The following SPART variants were observed in gnomAD, a reference collection of about 807,000 sequenced individuals.
The protein encoded by SPART is spastic paraplegia 20 (Troyer syndrome).
In SPART, 35 loss-of-function variants were observed where a neutral mutation model predicts 58.7. The observed-to-expected ratio is 0.60, with a 90% confidence interval of 0.46 to 0.79. SPART has a LOEUF of 0.79. Ranked by LOEUF, SPART falls within the 30% of genes least tolerant of loss-of-function variation. The pLI, the probability that SPART is intolerant of heterozygous loss-of-function variation, is 0.00. For synonymous variants in SPART, 284 were observed against 280.7 expected (o/e 1.01, Z -0.12); for missense variants, 730 against 786.1 (o/e 0.93, Z 0.85).
At position 36,352,156 on chromosome 13, in the gene SPART, C is replaced by T. The variant is rs569422108; in HGVS notation, c.-2-16324G>A. Among the ~76,000 whole-genome samples, 3 of 152,234 alleles carry T rather than the reference C, an allele frequency of 2.0e-5. No homozygotes were observed. In the South Asian group the frequency reaches 6.2e-4, roughly 32 times the overall value. On this transcript the variant is annotated intron_variant, in intron 1 of 8. Transcript: ENST00000355182. ...AGGTTTCTGACCTGTGATCTCATTA[C>T]TTTTTTCTTTCTTGAACTCTACATT... is the stretch of plus-strand genomic sequence containing the variant.
chr13:36,303,039 T>A lies in SPART; in HGVS notation c.*1326A>T, dbSNP rs957073488. ...GTCTGTAAGCTATTTACCACTTCAC[T>A]TTTATTTCCATTTTAACAACTAGTA... On this transcript the variant is annotated 3_prime_UTR_variant, in exon 9 of 9. Coordinates refer to ENST00000438666, the MANE Select transcript of SPART (RefSeq NM_015087.5). 6.6e-6 allele frequency: 1 copy of A among 152,210 alleles called. No homozygotes were observed. Among genetic ancestry groups the A allele is most frequent in the African/African-American group, 2.4e-5 (1 of 41,448 alleles). 9.4% of individuals were successfully genotyped at this position (152,210 alleles called of 1,614,324 possible).
In SPART at chr13:36,329,363, C is replaced by G. The variant is rs1434017775; in HGVS notation, c.1163G>C (p.Arg388Thr). 6 of 1,614,050 alleles carry G rather than the reference C, an allele frequency of 3.7e-6. No homozygotes were observed. The East Asian group carries it at 1.1e-4, about 30-fold the overall frequency. Reference sequence around the variant, plus strand: ...CACACTTATTACTCTTTTATTTACCCTTTTTCCACGTTTTCCTTTATGACG... The same window carrying G: ...CACACTTATTACTCTTTTATTTACCGTTTTTCCACGTTTTCCTTTATGACG... The part of the protein sequence containing the change: ...DVRHKGKRGK[R>T]AKDTSSEEVN... Residue 388 changes from arginine (R) to threonine (T), a missense_variant and splice_region_variant, in exon 4 of 9, where the codon AGG becomes ACG. By Grantham distance (71) the Arg-to-Thr change is moderately conservative. Coordinates refer to ENST00000438666, the MANE Select transcript of SPART (RefSeq NM_015087.5).
chr13:36,317,980 A>T (rs1881917869), intron 5 of SPART, among the ~76,000 whole-genome samples: 1 of 152,080 alleles, frequency 6.6e-6, no homozygotes, highest in African/African-American at 2.4e-5. Context: ...GTCCCTTCCT[A>T]GTCTGTGCCC....
intron 1 of SPART, chr13:36,368,307 C>A (rs1370557159): frequency 8.8e-6 from 3 of 339,026 alleles, no homozygotes; most frequent in South Asian, 7.2e-5. Flanking sequence ...ACAAACAAAT[C>A]TGGAAGGCTT....
At chr13:36,349,187 C>T (rs187452455), upstream of SPART, among the ~76,000 whole-genome samples, 189 of 152,240 alleles carry the variant, frequency 1.2e-3, 2 homozygotes, top group South Asian at 0.016. Context: ...CACTTGAACC[C>T]GGGAGGTGGA....
chr13:36,337,819 T>C (rs1446588485), intron 1 of SPART, among the ~76,000 whole-genome samples: 3 of 152,166 alleles, frequency 2.0e-5, no homozygotes, highest in African/African-American at 7.2e-5. Context: ...GCTGGCAATT[T>C]TGATACACTG....
chr13:36,311,468 G>A (rs1881095644), intron 8 of SPART, among the ~76,000 whole-genome samples: 2 of 152,072 alleles, frequency 1.3e-5, no homozygotes, highest in Non-Finnish European at 2.9e-5. Context: ...TCTGTATACC[G>A]AGTGGGCTAA....
chr13:36,360,548 T>A (rs1885813832), intron 1 of SPART: 2 of 152,444 alleles, frequency 1.3e-5, no homozygotes, highest in African/African-American at 4.8e-5. Context: ...GAACTAGCAT[T>A]TGTACCGTCT....
At chr13:36,343,855 G>A (rs1455259866) in intron 1 of SPART, among the ~76,000 whole-genome samples, 1 of 152,100 alleles carries the variant, frequency 6.6e-6, no homozygotes, top group Admixed American at 6.6e-5. Flanking sequence ...ATTCAAATCA[G>A]TTCATGGATC....
At chr13:36,317,342 TAGC>T (rs1244148884) in intron 5 of SPART, among the ~76,000 whole-genome samples, 1 of 152,010 alleles carries the variant, frequency 6.6e-6, no homozygotes, top group East Asian at 1.9e-4. Flanking sequence ...CCTTCACTCT[TAGC>T]AGCAAGTCCT....
chr13:36,345,863 A>G lies in SPART; in HGVS notation c.-3+362T>C, dbSNP rs1885055479. Among the ~76,000 whole-genome samples, 4 of 152,046 alleles carry G rather than the reference A, an allele frequency of 2.6e-5. No homozygotes were observed. The South Asian group carries it at 8.3e-4, about 32-fold the overall frequency. On this transcript the variant is annotated intron_variant, in intron 1 of 8. Coordinates refer to ENST00000438666, the MANE Select transcript of SPART (RefSeq NM_015087.5). ...CCACAGAGATCTGCGAAGCCAAAGT[A>G]AACAACGGGGTTGGGGCGGCGAGAA...
Position 36,304,323 on chromosome 13 carries a change from C to A in SPART, c.*42G>T. The A allele has an allele frequency of 6.2e-7, 1 of 1,612,854 alleles. No individual in the cohort carries two copies. Among genetic ancestry groups the A allele is most frequent in the East Asian group, 2.2e-5 (1 of 44,876 alleles). ...ATTTGCCTATTTAACAAAATTTCAT[C>A]CATTTCATAAGGCTTTGGTATAAGT... On this transcript the variant is annotated 3_prime_UTR_variant, in exon 9 of 9. Transcript: ENST00000438666.
At chr13:36,333,389 G>A (rs2137533069) in intron 2 of SPART, among the ~76,000 whole-genome samples, 1 of 150,304 alleles carries the variant, frequency 6.7e-6, no homozygotes, top group Middle Eastern at 3.5e-3. Flanking sequence ...TTTAGCACAG[G>A]AAATATCTAA....
intron 1 of SPART, among the ~76,000 whole-genome samples, chr13:36,344,835 C>T (rs1884916829): frequency 6.6e-6 from 1 of 152,168 alleles, no homozygotes; most frequent in African/African-American, 2.4e-5. Context: ...AGTACCTACA[C>T]CAGTGTACAG....
upstream of SPART, among the ~76,000 whole-genome samples, chr13:36,348,198 A>G (rs1885263020): frequency 6.6e-6 from 1 of 152,160 alleles, no homozygotes; most frequent in Non-Finnish European, 1.5e-5. Context: ...AGGCAGGAAG[A>G]TCACCTGAGC....
At chr13:36,309,137 G>C (rs369643695) in intron 8 of SPART, among the ~76,000 whole-genome samples, 1 of 151,908 alleles carries the variant, frequency 6.6e-6, no homozygotes, top group Non-Finnish European at 1.5e-5. Context: ...CCAGCTACTA[G>C]GGAGGCTGAG....
intron 5 of SPART, 191 bp downstream of exon 5, chr13:36,326,384 A>T: frequency 1.6e-6 from 1 of 638,578 alleles, no homozygotes; most frequent in Admixed American, 3.0e-5. Flanking sequence ...TAGGCCAGGA[A>T]GAATTTATAC....
At chr13:36,331,740 A>T in intron 2 of SPART, 144 bp from the exon 3 acceptor site, 1 of 635,736 alleles carries the variant, frequency 1.6e-6, no homozygotes, top group Non-Finnish European at 2.7e-6. Flanking sequence ...AGAAACATCA[A>T]CATCAACAAA....
chr13:36,304,543 C>A lies in SPART; in HGVS notation c.1823G>T (p.Gly608Val), dbSNP rs757476233. The change falls in exon 9 of 9, where the codon GGT (glycine) becomes GTT (valine). Residue 608 changes from glycine to valine, a missense_variant. By Grantham distance (109) the Gly-to-Val change is moderately radical (BLOSUM62 -3). Transcript: ENST00000438666. ...GVTAYNINNI[G>V]IKAMVKKTAT... ...AGTTTTCTTCACCATTGCTTTGATA[C>A]CAATGTTGTTAATATTGTAGGCAGT... The A allele has an allele frequency of 5.6e-6, 9 of 1,613,930 alleles. No individual in the cohort carries two copies. Among genetic ancestry groups the A allele is most frequent in the Non-Finnish European group, 7.6e-6 (9 of 1,180,004 alleles).
Sources: gnomAD v4.1 joint callset for allele counts (sites outside exome capture counted in the v4.1 genomes callset) on GRCh38, gnomAD v4.1.1 for gene constraint, MANE v1.5 for transcripts, NCBI Gene and HGNC (gene_info 2026-07-23, HGNC 2026-07-21) for gene names.